Variants in JAZF1 observed in about 807,000 individuals in gnomAD.
The protein encoded by JAZF1 is JAZF zinc finger 1, also known as juxtaposed with another zinc finger protein 1.
JAZF1 carries 8 observed loss-of-function variants against 26.4 expected under a neutral mutation model. That is an observed-to-expected ratio of 0.30 (90% CI 0.18 to 0.55). JAZF1 has a LOEUF of 0.55. Among genes scored for constraint, JAZF1 ranks in the 20% least tolerant of loss-of-function variants. JAZF1 has a pLI of 0.94. For synonymous variants in JAZF1, 126 were observed against 122.3 expected, an observed-to-expected ratio of 1.03 and a Z score of -0.20; for missense variants, 199 against 322.0, an observed-to-expected ratio of 0.62 and a Z score of 2.92.
chr7:27,852,879 C>T (rs1783176994), intron 3 of JAZF1, among the ~76,000 whole-genome samples: 2 of 152,170 alleles, frequency 1.3e-5, no homozygotes, highest in South Asian at 4.1e-4. Context: ...ATTACCACAC[C>T]TTGGTCGATG....
At chr7:28,051,671 C>T (rs964402337) in intron 1 of JAZF1, among the ~76,000 whole-genome samples, 2 of 152,106 alleles carry the variant, frequency 1.3e-5, no homozygotes, top group African/African-American at 2.4e-5. Context: ...AAGCCTCACC[C>T]ATCACACTTC....
At chr7:28,056,771 C>T (rs909097879) in intron 1 of JAZF1, among the ~76,000 whole-genome samples, 7 of 152,042 alleles carry the variant, frequency 4.6e-5, no homozygotes, top group African/African-American at 1.7e-4. Context: ...ACTCCTGTCC[C>T]CTGCTCCTGA....
intron 1 of JAZF1, among the ~76,000 whole-genome samples, chr7:28,068,222 T>A (rs1043296807): frequency 3.0e-4 from 46 of 151,592 alleles, no homozygotes; most frequent in Non-Finnish European, 6.2e-4. Flanking sequence ...GCCTAGTTTT[T>A]TTTTTTTTTT....
At chr7:27,835,724 C>T (rs1782794155) in intron 4 of JAZF1, among the ~76,000 whole-genome samples, 4 of 152,108 alleles carry the variant, frequency 2.6e-5, no homozygotes, top group South Asian at 4.1e-4. Flanking sequence ...TTACAGGCCG[C>T]GGGAACGTCC....
intron 1 of JAZF1, among the ~76,000 whole-genome samples, chr7:28,136,057 T>C (rs911379797): frequency 6.6e-6 from 1 of 152,228 alleles, no homozygotes; most frequent in Non-Finnish European, 1.5e-5. Context: ...CTGAAATGTA[T>C]GGATAGCACT....
At chr7:27,972,940 T>C (rs1488778346) in intron 2 of JAZF1, among the ~76,000 whole-genome samples, 1 of 131,422 alleles carries the variant, frequency 7.6e-6, no homozygotes, top group African/African-American at 2.5e-5. Flanking sequence ...TATGTATATG[T>C]GTGTGTATAT....
intron 2 of JAZF1, among the ~76,000 whole-genome samples, chr7:27,964,947 A>G (rs1400989495): frequency 1.3e-5 from 2 of 152,156 alleles, no homozygotes; most frequent in Non-Finnish European, 2.9e-5. Context: ...TGTGACAGAG[A>G]AGAGTGTATG....
Position 27,890,963 on chromosome 7 carries a change from T to C in JAZF1, c.385+4257A>G, listed in dbSNP as rs143922796. ...AGCCACCACACTTGGCAAATCTTTA[T>C]ATTTTTGGTAGAGATGGGGTTTCAC... On this transcript the variant is annotated intron_variant, in intron 3 of 4. Transcript: ENST00000283928. 9.4e-3 allele frequency among the ~76,000 whole-genome samples: 1,433 copies of C among 152,066 alleles called. 23 individuals carry two copies. The highest frequency in any genetic ancestry group is 0.033 in the African/African-American group (1,358 of 41,480).
intron 1 of JAZF1, among the ~76,000 whole-genome samples, chr7:28,045,021 T>C (rs1161341522): frequency 2.0e-5 from 3 of 152,092 alleles, no homozygotes; most frequent in Non-Finnish European, 2.9e-5. Flanking sequence ...TCTTAAACTC[T>C]GAATGAGGTG....
chr7:27,847,137 G>A (rs1233068720), intron 3 of JAZF1, among the ~76,000 whole-genome samples: 3 of 139,776 alleles, frequency 2.1e-5, no homozygotes, highest in African/African-American at 8.0e-5. Context: ...GCACCACCCC[G>A]CCTGGCTTTT....
intron 2 of JAZF1, among the ~76,000 whole-genome samples, chr7:27,903,293 G>A (rs571673057): frequency 7.9e-5 from 12 of 152,170 alleles, no homozygotes; most frequent in African/African-American, 1.9e-4. Context: ...ACTAGCAGCC[G>A]TGTGATTTTC....
At chr7:28,178,426 T>C (rs1783579906) in intron 1 of JAZF1, among the ~76,000 whole-genome samples, 1 of 152,210 alleles carries the variant, frequency 6.6e-6, no homozygotes, top group Non-Finnish European at 1.5e-5. Context: ...TTATATAAAT[T>C]ATAGTTTATT....
At chr7:27,850,813 A>AC (rs1783131869) in intron 3 of JAZF1, among the ~76,000 whole-genome samples, 2 of 140,106 alleles carry the variant, frequency 1.4e-5, no homozygotes, top group East Asian at 4.1e-4. Context: ...CTGAAGGACC[A>AC]TTTTTTTTTT....
intron 1 of JAZF1, among the ~76,000 whole-genome samples, chr7:28,062,998 G>A (rs533573648): frequency 4.6e-5 from 7 of 152,190 alleles, no homozygotes; most frequent in Non-Finnish European, 1.0e-4. Flanking sequence ...CCAACTACAT[G>A]TTTTGAAAAA....
chr7:28,055,602 T>C (rs1311002661), intron 1 of JAZF1, among the ~76,000 whole-genome samples: 1 of 152,234 alleles, frequency 6.6e-6, no homozygotes, highest in African/African-American at 2.4e-5. Flanking sequence ...ATTATGGATT[T>C]GATAATTAAT....
chr7:27,875,122 G>A (rs1783653485), intron 3 of JAZF1, among the ~76,000 whole-genome samples: 1 of 152,122 alleles, frequency 6.6e-6, no homozygotes, highest in Non-Finnish European at 1.5e-5. Flanking sequence ...TTGACTGTAG[G>A]CTGCCCCTGA....
At chr7:28,054,361 A>G (rs17156275) in intron 1 of JAZF1, among the ~76,000 whole-genome samples, 43,611 of 152,014 alleles carry the variant, frequency 0.29, 6,595 homozygotes, top group East Asian at 0.48. Flanking sequence ...AACAACTGAT[A>G]CATGGATATT....
chr7:28,074,592 A>G (rs938352652), intron 1 of JAZF1, among the ~76,000 whole-genome samples: 20 of 152,228 alleles, frequency 1.3e-4, no homozygotes, highest in African/African-American at 4.1e-4. Flanking sequence ...TTGTGGCTTA[A>G]TAAATATGTT....
At chr7:27,912,745 C>G (rs1784379116) in intron 2 of JAZF1, among the ~76,000 whole-genome samples, 1 of 151,526 alleles carries the variant, frequency 6.6e-6, no homozygotes, top group Admixed American at 6.6e-5. Flanking sequence ...AACATGTGGC[C>G]CAGAGCATGT....
Sources: allele counts gnomAD v4.1 joint callset (sites outside exome capture counted in the v4.1 genomes callset), GRCh38; gene constraint gnomAD v4.1.1; transcripts MANE v1.5; gene names NCBI Gene and HGNC (gene_info 2026-07-23, HGNC 2026-07-21).